Variants in CEP41 observed in about 807,000 individuals in gnomAD.
CEP41 encodes centrosomal protein 41.
CEP41 carries 32 observed loss-of-function variants against 44.3 expected under a neutral mutation model. The observed-to-expected ratio is 0.72, with a 90% confidence interval of 0.54 to 0.97. The LOEUF is 0.97. Ranked by LOEUF, CEP41 falls within the 50% of genes least tolerant of loss-of-function variation. The pLI, the probability that CEP41 is intolerant of heterozygous loss-of-function variation, is 0.00. For synonymous variants in CEP41, 151 were observed against 168.5 expected (o/e 0.90, Z 0.80); for missense variants, 432 against 455.2 (o/e 0.95, Z 0.46).
Position 130,400,017 on chromosome 7 carries a change from T to C in CEP41, c.973+22A>G, listed in dbSNP as rs782705607. 7 of 1,502,854 alleles carry C rather than the reference T, an allele frequency of 4.7e-6. No homozygotes were observed. The Admixed American group carries it at 5.0e-5, about 11-fold the overall frequency. 93.1% of individuals were successfully genotyped at this position (1,502,854 alleles called of 1,614,324 possible). ...TCAAAGCTGCAAACCAAACATTATC[T>C]TTAAAGGTCAAAAGATCTTACTAGG... On this transcript the variant is annotated intron_variant, in intron 10 of 10. Transcript: ENST00000223208.
rs1797108120 is a variant in CEP41, at chr7:130,409,433, G to C, written c.277+1689C>G. Among the ~76,000 whole-genome samples, 6 of 152,218 alleles carry C rather than the reference G, an allele frequency of 3.9e-5. 1 individual carries two copies. In the South Asian group the frequency reaches 1.2e-3, roughly 32 times the overall value. ...TAAAATTGGAGTACTTGTATGAGGA[G>C]ACTCAAATTATCTCTGCTACAAGGA... On this transcript the variant is annotated intron_variant, in intron 5 of 10. Transcript: ENST00000223208.
intron 3 of CEP41, among the ~76,000 whole-genome samples, chr7:130,413,029 T>C (rs1220133463): frequency 6.6e-6 from 1 of 152,212 alleles, no homozygotes; most frequent in Non-Finnish European, 1.5e-5. Context: ...TATTTCTCTG[T>C]CGCCCAGGCT....
chr7:130,417,374 A>C, intron 2 of CEP41: 1 of 1,083,188 alleles, frequency 9.2e-7, no homozygotes, highest in African/African-American at 1.7e-5. Context: ...TGAGTGTCTA[A>C]AATGTGCCTT....
At chr7:130,404,757 A>G (rs782484495) in intron 5 of CEP41, 49 bp from the exon 6 acceptor site, 1 of 1,374,192 alleles carries the variant, frequency 7.3e-7, no homozygotes, top group South Asian at 1.2e-5. Flanking sequence ...CAGGATTTGT[A>G]TTTACTTATT....
chr7:130,431,803 C>A (rs1463535238), intron 1 of CEP41, among the ~76,000 whole-genome samples: 1 of 152,128 alleles, frequency 6.6e-6, no homozygotes, highest in African/African-American at 2.4e-5. Flanking sequence ...GCTGGAGAGG[C>A]AGCAGGGGCA....
Position 130,412,159 on chromosome 7 carries a change from G to A in CEP41, c.207+20C>T. 2 of 1,403,508 alleles carry A rather than the reference G, an allele frequency of 1.4e-6. No individual in the cohort carries two copies. Among genetic ancestry groups the A allele is most frequent in the Non-Finnish European group, 2.0e-6 (2 of 988,070 alleles). 86.9% of individuals were successfully genotyped at this position (1,403,508 alleles called of 1,614,324 possible). A position where few individuals can be genotyped will look rare whatever the true frequency, so the allele number is the denominator to read the frequency against. ...CAAATTAGACAGACTTTACTCCAGT[G>A]GAAAAATCAAGAAACTTACCAGCTG... On this transcript the variant is annotated intron_variant, in intron 4 of 10. Coordinates refer to ENST00000223208, the MANE Select transcript of CEP41 (RefSeq NM_018718.3).
At position 130,396,981 on chromosome 7, in the gene CEP41, G is replaced by A. The variant is rs1554414899; in HGVS notation, c.*1910C>T. The A allele has an allele frequency of 4.4e-6, 2 of 454,360 alleles. No homozygotes were observed. Among genetic ancestry groups the A allele is most frequent in the Admixed American group, 4.7e-5 (2 of 42,560 alleles). The allele number at this position is 454,360 out of a possible 1,614,324, so 28.1% of individuals were successfully genotyped here. A position where few individuals can be genotyped will look rare whatever the true frequency, so the allele number is the denominator to read the frequency against. Reference sequence around the variant, plus strand: ...ATCCGGCAGGGAAGTCTCAACTCCTGACAAGTCACCTTTAAAACAGCATAA... The same window carrying A: ...ATCCGGCAGGGAAGTCTCAACTCCTAACAAGTCACCTTTAAAACAGCATAA... On this transcript the variant is annotated 3_prime_UTR_variant, in exon 11 of 11. Coordinates refer to ENST00000223208, the MANE Select transcript of CEP41 (RefSeq NM_018718.3).
intron 2 of CEP41, chr7:130,420,328 C>CAAAAAAAAA: frequency 1.3e-5 from 1 of 78,174 alleles, no homozygotes; most frequent in South Asian, 5.5e-4. Context: ...GACTCTATCT[C>CAAAAAAAAA]AAAAAAAAAA....
At chr7:130,440,409 G>T (rs1554427267) in intron 1 of CEP41, 1 of 208,316 alleles carries the variant, frequency 4.8e-6, no homozygotes, top group South Asian at 8.4e-5. Context: ...AACGTTTGTT[G>T]AAACTGCCAC....
In CEP41 at chr7:130,402,038, A is replaced by C; in HGVS notation, c.575-90T>G. 3 of 874,848 alleles carry C rather than the reference A, an allele frequency of 3.4e-6. No individual in the cohort carries two copies. The South Asian group carries it at 4.1e-5, about 12-fold the overall frequency. 54.2% of individuals were successfully genotyped at this position (874,848 alleles called of 1,614,324 possible). A position where few individuals can be genotyped will look rare whatever the true frequency, so the allele number is the denominator to read the frequency against. ...CAGCTGGTTTAAAATCTAAGAGTTA[A>C]ATACATCTTCAAAATCCATGAGCTG... On this transcript the variant is annotated intron_variant, in intron 7 of 10. Transcript: ENST00000223208.
chr7:130,395,039 C>T lies in CEP41; in HGVS notation c.*3852G>A, dbSNP rs1359219784. ...GATCACAATGTGACAGACACCGTTT[C>T]GAAAACACATAAAATCATGCACCGA... is the stretch of plus-strand genomic sequence containing the variant. On this transcript the variant is annotated 3_prime_UTR_variant, in exon 11 of 11. Coordinates refer to ENST00000223208, the MANE Select transcript of CEP41 (RefSeq NM_018718.3). 3.3e-5 allele frequency: 15 copies of T among 453,900 alleles called. No homozygotes were observed. The highest frequency in any genetic ancestry group is 9.3e-5 in the South Asian group (6 of 64,474). 28.1% of individuals were successfully genotyped at this position (453,900 alleles called of 1,614,324 possible). A position where few individuals can be genotyped will look rare whatever the true frequency, so the allele number is the denominator to read the frequency against.
At chr7:130,441,726 T>C (rs1798175956), upstream of CEP41, among the ~76,000 whole-genome samples, 1 of 152,216 alleles carries the variant, frequency 6.6e-6, no homozygotes, top group Non-Finnish European at 1.5e-5. Context: ...CCCGTCGTCA[T>C]GGAAACCATT....
rs1554413841 is a variant in CEP41 at position 130,394,761 on chromosome 7, T to C, written c.*4130A>G. ...AATCTTGACAGGTTCAATTCATTTA[T>C]TCATGAACACTTATTAAGGGCCACT... On this transcript the variant is annotated 3_prime_UTR_variant, in exon 11 of 11. Coordinates refer to ENST00000223208, the MANE Select transcript of CEP41 (RefSeq NM_018718.3). The C allele has an allele frequency of 2.2e-6, 1 of 454,138 alleles. No homozygotes were observed. The highest frequency in any genetic ancestry group is 4.4e-6 in the Non-Finnish European group (1 of 226,794). 28.1% of individuals were successfully genotyped at this position (454,138 alleles called of 1,614,324 possible). A position where few individuals can be genotyped will look rare whatever the true frequency, so the allele number is the denominator to read the frequency against.
At position 130,395,173 on chromosome 7, in the gene CEP41, T is replaced by C. The variant is rs934105252; in HGVS notation, c.*3718A>G. 6.6e-6 allele frequency: 3 copies of C among 453,068 alleles called. No homozygotes were observed. Among genetic ancestry groups the C allele is most frequent in the Non-Finnish European group, 1.3e-5 (3 of 226,120 alleles). 28.1% of individuals were successfully genotyped at this position (453,068 alleles called of 1,614,324 possible). On this transcript the variant is annotated 3_prime_UTR_variant, in exon 11 of 11. Transcript: ENST00000223208. The stretch of plus-strand genomic sequence containing the variant: ...GATGTCATAATAATAATTTCAATAA[T>C]TATTGTAAATCTAGGAAAGTATTAC...
At chr7:130,438,542 G>A (rs1254640331) in intron 1 of CEP41, among the ~76,000 whole-genome samples, 1 of 152,078 alleles carries the variant, frequency 6.6e-6, no homozygotes, top group African/African-American at 2.4e-5. Flanking sequence ...CTGGGTGACA[G>A]AGTGAGACTC....
chr7:130,420,144 A>G (rs1203029503), intron 2 of CEP41: 2 of 797,570 alleles, frequency 2.5e-6, no homozygotes, highest in East Asian at 1.3e-4. Context: ...CAAAATAGTG[A>G]GACCTCGTCT....
Position 130,419,968 on chromosome 7 carries a change from C to T in CEP41, c.98-3002G>A, listed in dbSNP as rs536861485. The stretch of plus-strand genomic sequence containing the variant: ...GGGCACGTACACACACACACACACA[C>T]ACACGTATGAATAATCTTTATCCCT... On this transcript the variant is annotated intron_variant, in intron 2 of 10. Coordinates refer to ENST00000223208, the MANE Select transcript of CEP41 (RefSeq NM_018718.3). 5 of 985,334 alleles carry T rather than the reference C, an allele frequency of 5.1e-6. No individual in the cohort carries two copies. The East Asian group carries it at 5.7e-4, about 112-fold the overall frequency. The allele number at this position is 985,334 out of a possible 1,614,324, so 61.0% of individuals were successfully genotyped here. A position where few individuals can be genotyped will look rare whatever the true frequency, so the allele number is the denominator to read the frequency against.
chr7:130,417,116 A>T (rs1797361386), intron 2 of CEP41, 150 bp from the exon 3 acceptor site: 10 of 1,435,384 alleles, frequency 7.0e-6, no homozygotes, highest in Non-Finnish European at 9.3e-6. Context: ...ACACACAGTA[A>T]AATCTTTTGG....
chr7:130,410,275 C>T (rs1451217213), intron 5 of CEP41, among the ~76,000 whole-genome samples: 1 of 151,936 alleles, frequency 6.6e-6, no homozygotes, highest in Non-Finnish European at 1.5e-5. Context: ...GATCTGCCCG[C>T]CTTGGCCTCC....
Sources: allele counts gnomAD v4.1 joint callset (sites outside exome capture counted in the v4.1 genomes callset), GRCh38; gene constraint gnomAD v4.1.1; transcripts MANE v1.5; gene names NCBI Gene and HGNC (gene_info 2026-07-23, HGNC 2026-07-21).